Variants in DCST1 observed in about 807,000 individuals in gnomAD.
The protein encoded by DCST1 is E3 ubiquitin-protein ligase DCST1.
A neutral mutation model predicts 89.1 loss-of-function variants in DCST1; 78 were observed. The ratio of observed to expected loss-of-function variants is 0.88; its 90% confidence interval spans 0.73 to 1.06. DCST1 has a LOEUF of 1.06. Among genes scored for constraint, DCST1 ranks in the 50% least tolerant of loss-of-function variants. DCST1 has a pLI of 0.00. For synonymous variants in DCST1, 364 were observed against 371.9 expected (o/e 0.98, Z 0.24); for missense variants, 900 against 928.6 (o/e 0.97, Z 0.40).
intron 4 of DCST1, 54 bp from the exon 5 acceptor site, chr1:155,039,349 G>A (rs1280825762): frequency 8.2e-6 from 12 of 1,465,282 alleles, no homozygotes; most frequent in Non-Finnish European, 1.0e-5. Flanking sequence ...TAAACGTGAG[G>A]AAGGGAGGCA....
chr1:155,034,248 G>T, intron 2 of DCST1, 151 bp downstream of exon 2: 1 of 1,544,130 alleles, frequency 6.5e-7, no homozygotes, highest in Non-Finnish European at 8.9e-7. Flanking sequence ...CCCAGCCCTT[G>T]CCTTTGCTGT....
At chr1:155,049,809 A>C (rs1442121025) in intron 16 of DCST1, among the ~76,000 whole-genome samples, 1 of 152,244 alleles carries the variant, frequency 6.6e-6, no homozygotes, top group Non-Finnish European at 1.5e-5. Context: ...AAAAAAGAAC[A>C]TGCTGGGATT....
intron 5 of DCST1, 56 bp from the exon 6 acceptor site, chr1:155,040,429 G>A (rs542762950): frequency 1.9e-6 from 3 of 1,547,076 alleles, no homozygotes; most frequent in East Asian, 4.7e-5. Flanking sequence ...AGCTGAGCGG[G>A]TTTGAGAAAG....
At position 155,050,724 on chromosome 1, in the gene DCST1, G is replaced by T; in HGVS notation, c.1977G>T (p.Val659=). ...CACCCGAGACGCCCGAGTCCTACGT[G>T]TGCCGGACGCTGGACTGCGAGGCCG... ...CQAPETPESY[V]CRTLDCEAVY... Residue 659 remains valine, a synonymous_variant, in exon 17 of 17, where the codon GTG becomes GTT. Coordinates refer to ENST00000295542, the MANE Select transcript of DCST1 (RefSeq NM_152494.4). 2 of 1,609,976 alleles carry T rather than the reference G, an allele frequency of 1.2e-6. No individual in the cohort carries two copies. Among genetic ancestry groups the T allele is most frequent in the African/African-American group, 1.3e-5 (1 of 74,974 alleles).
intron 16 of DCST1, chr1:155,049,378 G>T: frequency 3.0e-6 from 1 of 334,328 alleles, no homozygotes; most frequent in South Asian, 8.2e-5. Flanking sequence ...AAAAGGAGAT[G>T]ATAATAACAC....
intron 14 of DCST1, 65 bp downstream of exon 14, chr1:155,047,377 C>T: frequency 7.0e-7 from 1 of 1,435,518 alleles, no homozygotes. Context: ...CAAAAGACTC[C>T]AAGGTAAAGA....
At chr1:155,049,287 A>C in intron 16 of DCST1, 1 of 503,450 alleles carries the variant, frequency 2.0e-6, no homozygotes, top group Non-Finnish European at 3.5e-6. Context: ...GGCATGCAGC[A>C]AGTTCCATAT....
At chr1:155,049,312 A>T in intron 16 of DCST1, 1 of 466,448 alleles carries the variant, frequency 2.1e-6, no homozygotes, top group Non-Finnish European at 3.8e-6. Context: ...GCATGTTATC[A>T]TTGGGTGACC....
At position 155,039,524 on chromosome 1, in the gene DCST1, C is replaced by A; in HGVS notation, c.384C>A (p.Ile128=). The A allele has an allele frequency of 6.3e-7, 1 of 1,595,984 alleles. No homozygotes were observed. Residue 128 remains isoleucine, a synonymous_variant, in exon 5 of 17, where the codon ATC becomes ATA. Transcript: ENST00000295542. ...LFVLGYALAA[I]YVGPVANLRH... ...TCCTGGGATACGCCTTGGCTGCCATCTATGTGGGTGAGTATGTGGGGGCCA... is the reference window on the plus strand; with the variant it reads ...TCCTGGGATACGCCTTGGCTGCCATATATGTGGGTGAGTATGTGGGGGCCA...
chr1:155,045,848 G>C (rs1660602359), intron 10 of DCST1, 45 bp from the exon 11 acceptor site: 13 of 1,542,832 alleles, frequency 8.4e-6, no homozygotes, highest in Non-Finnish European at 1.2e-5. Flanking sequence ...GATAGATGAG[G>C]AGAACCTGGA....
rs752353386 is a variant in DCST1 at position 155,042,758 on chromosome 1, C to T, written c.916C>T (p.Arg306Cys). ...AKVMEVWCRN[R>C]IPVEGNFGQT... The stretch of plus-strand genomic sequence containing the variant: ...AGTGATGGAGGTTTGGTGCCGCAAT[C>T]GCATCCCAGTGGAAGGCAACTTTGG... Residue 306 changes from arginine to cysteine, a missense_variant, in exon 9 of 17, where the codon CGC (arginine) becomes TGC (cysteine). Arg to Cys is a radical substitution (Grantham distance 180, BLOSUM62 -3). Transcript: ENST00000295542. The T allele has an allele frequency of 1.6e-5, 26 of 1,614,072 alleles. No individual in the cohort carries two copies. The highest frequency in any genetic ancestry group is 3.3e-5 in the South Asian group (3 of 91,086).
Position 155,041,474 on chromosome 1 carries a change from T to C in DCST1, c.609T>C (p.Ser203=). 2 of 1,614,010 alleles carry C rather than the reference T, an allele frequency of 1.2e-6. No individual in the cohort carries two copies. Among genetic ancestry groups the C allele is most frequent in the East Asian group, 2.2e-5 (1 of 44,878 alleles). Residue 203 remains serine (S), a synonymous_variant, in exon 7 of 17, where the codon AGT becomes AGC. Coordinates refer to ENST00000295542, the MANE Select transcript of DCST1 (RefSeq NM_152494.4). The part of the protein sequence containing the change: ...TFEDLDAQVN[S]ETGYTPEDTM... Reference sequence around the variant, plus strand: ...AGGACCTGGATGCCCAGGTGAATAGTGAGACGGGCTACACGCCTGAGGATA... The same window carrying C: ...AGGACCTGGATGCCCAGGTGAATAGCGAGACGGGCTACACGCCTGAGGATA...
chr1:155,045,493 A>AT (rs1384162642), intron 10 of DCST1: 1 of 229,700 alleles, frequency 4.4e-6, no homozygotes. Context: ...GTCACAGTGG[A>AT]TTAGGTGATT....
At chr1:155,044,676 T>G (rs1660557417) in intron 10 of DCST1, among the ~76,000 whole-genome samples, 1 of 151,792 alleles carries the variant, frequency 6.6e-6, no homozygotes, top group South Asian at 2.1e-4. Context: ...GAAAGAAGGG[T>G]GTCCCTTGCG....
Position 155,042,876 on chromosome 1 carries a change from G to A in DCST1, c.1014+20G>A, listed in dbSNP as rs760296198. 6.2e-7 allele frequency: 1 copy of A among 1,613,872 alleles called. No homozygotes were observed. The highest frequency in any genetic ancestry group is 8.5e-7 in the Non-Finnish European group (1 of 1,179,900). On this transcript the variant is annotated intron_variant, in intron 9 of 16. Coordinates refer to ENST00000295542, the MANE Select transcript of DCST1 (RefSeq NM_152494.4). The stretch of plus-strand genomic sequence containing the variant: ...TTCAAGGTAGAAGGCAAGGGCGAGG[G>A]TTGGTGGGGGGTAGATAGGGAGTGG...
chr1:155,042,257 C>T (rs1377044099), intron 8 of DCST1, among the ~76,000 whole-genome samples: 1 of 152,132 alleles, frequency 6.6e-6, no homozygotes, highest in Non-Finnish European at 1.5e-5. Context: ...CGCCACCATG[C>T]CCAGCTAATT....
chr1:155,043,299 C>T, intron 9 of DCST1, 53 bp from the exon 10 acceptor site: 3 of 1,612,490 alleles, frequency 1.9e-6, no homozygotes, highest in Non-Finnish European at 2.5e-6. Context: ...GAGGTGGGAC[C>T]CAGGTCTGAC....
Position 155,041,627 on chromosome 1 carries a change from C to T in DCST1, c.748+14C>T, listed in dbSNP as rs368850331. On this transcript the variant is annotated intron_variant, in intron 7 of 16. Coordinates refer to ENST00000295542, the MANE Select transcript of DCST1 (RefSeq NM_152494.4). ...TGCGTTGCTCCTGTGAGGGGTATCC[C>T]TGGGGAGTGGAGGGTGGGGTGGGAT... The T allele has an allele frequency of 1.9e-6, 3 of 1,613,310 alleles. No homozygotes were observed. The African/African-American group carries it at 4.0e-5, about 22-fold the overall frequency.
At chr1:155,033,907 C>T in intron 1 of DCST1, 53 bp downstream of exon 1, 1 of 1,341,462 alleles carries the variant, frequency 7.5e-7, no homozygotes, top group Non-Finnish European at 1.0e-6. Flanking sequence ...TTAAAAGGCC[C>T]AGAGCTCAGG....
Sources: gnomAD v4.1 joint callset for allele counts (sites outside exome capture counted in the v4.1 genomes callset) on GRCh38, gnomAD v4.1.1 for gene constraint, MANE v1.5 for transcripts, NCBI Gene and HGNC (gene_info 2026-07-23, HGNC 2026-07-21) for gene names.